The following PLSCR2 variants were observed in gnomAD, a reference collection of about 807,000 sequenced individuals.
PLSCR2 encodes PL scramblase 2.
A neutral mutation model predicts 25.3 loss-of-function variants in PLSCR2; 18 were observed. The observed-to-expected ratio is 0.71, with a 90% CI of 0.49 to 1.06. The LOEUF (loss-of-function observed/expected upper bound fraction) is 1.06, where lower values mean the gene tolerates loss of function less well. PLSCR2 is among the 50% of genes least tolerant of loss of function. The pLI is 0.00. For missense variants in PLSCR2, 243 were observed against 269.5 expected (o/e 0.90, Z 0.69); for synonymous variants, 88 against 87.3 (o/e 1.01, Z -0.04).
At chr3:146,461,804 G>T, upstream of PLSCR2, 1 of 796,696 alleles carries the variant, frequency 1.3e-6, no homozygotes, top group South Asian at 1.4e-5. Flanking sequence ...AAGGAGTTTG[G>T]ATTTTATCCC....
At chr3:146,475,311 T>C (rs1385293159) in intron 1 of PLSCR2, among the ~76,000 whole-genome samples, 1 of 152,096 alleles carries the variant, frequency 6.6e-6, no homozygotes, top group Non-Finnish European at 1.5e-5. Context: ...CTGCTGACCC[T>C]TGCATGGGGT....
At chr3:146,484,944 C>G (rs929375337) in intron 1 of PLSCR2, among the ~76,000 whole-genome samples, 1 of 151,920 alleles carries the variant, frequency 6.6e-6, no homozygotes, top group African/African-American at 2.4e-5. Context: ...ACAATACTAA[C>G]CTTAAACGTA....
intron 2 of PLSCR2, among the ~76,000 whole-genome samples, chr3:146,396,325 T>TC (rs1491095790): frequency 1.3e-5 from 2 of 152,060 alleles, no homozygotes; most frequent in African/African-American, 2.4e-5. Context: ...CATTTTTTTT[T>TC]CTCTCTGTTA....
At chr3:146,436,028 G>A (rs532611103) in intron 8 of PLSCR2, among the ~76,000 whole-genome samples, 26 of 152,214 alleles carry the variant, frequency 1.7e-4, no homozygotes, top group African/African-American at 6.3e-4. Flanking sequence ...ATTTAATAGG[G>A]AATCCTTTCC....
intron 2 of PLSCR2, among the ~76,000 whole-genome samples, chr3:146,409,132 A>G (rs569976193): frequency 1.3e-5 from 2 of 152,204 alleles, no homozygotes; most frequent in East Asian, 1.9e-4. Flanking sequence ...TTCCAATTAT[A>G]CAAGTCAGAA....
intron 2 of PLSCR2, among the ~76,000 whole-genome samples, chr3:146,399,911 G>A (rs1042513669): frequency 6.6e-6 from 1 of 151,562 alleles, no homozygotes; most frequent in Admixed American, 6.6e-5. Context: ...GGTGGTAATG[G>A]TGGTATGGTT....
chr3:146,480,497 A>C (rs2043091547), intron 1 of PLSCR2, among the ~76,000 whole-genome samples: 1 of 152,230 alleles, frequency 6.6e-6, no homozygotes, highest in African/African-American at 2.4e-5. Context: ...GAAGAAATGG[A>C]TAAATTCCTG....
At chr3:146,459,187 A>G (rs1015162825) in intron 2 of PLSCR2, among the ~76,000 whole-genome samples, 3 of 152,302 alleles carry the variant, frequency 2.0e-5, no homozygotes, top group Non-Finnish European at 4.4e-5. Flanking sequence ...CGACATTTGT[A>G]AAATTGGGTC....
At chr3:146,482,000 G>A (rs1006357466) in intron 1 of PLSCR2, among the ~76,000 whole-genome samples, 1 of 152,154 alleles carries the variant, frequency 6.6e-6, no homozygotes, top group Non-Finnish European at 1.5e-5. Context: ...TTAATAAATG[G>A]TGCTTGGAAA....
intron 3 of PLSCR2, among the ~76,000 whole-genome samples, chr3:146,395,101 A>T (rs1179308891): frequency 2.0e-5 from 3 of 152,210 alleles, no homozygotes; most frequent in African/African-American, 7.2e-5. Context: ...TAGCAGTGCA[A>T]AAATGAACTA....
intron 1 of PLSCR2, among the ~76,000 whole-genome samples, chr3:146,487,001 C>T (rs1284267442): frequency 1.3e-5 from 2 of 152,268 alleles, no homozygotes; most frequent in East Asian, 3.9e-4. Flanking sequence ...GGATGCAAGG[C>T]TGGTTCAACA....
chr3:146,417,659 T>C, intron 2 of PLSCR2, among the ~76,000 whole-genome samples: 1 of 152,192 alleles, frequency 6.6e-6, no homozygotes, highest in Non-Finnish European at 1.5e-5. Context: ...TTACAAGTTC[T>C]AATGTTCAAA....
downstream of PLSCR2, among the ~76,000 whole-genome samples, chr3:146,432,051 G>A (rs1322505170): frequency 1.3e-5 from 2 of 151,946 alleles, no homozygotes; most frequent in East Asian, 3.9e-4. Flanking sequence ...TCTCTAAAAT[G>A]TTACTCATTT....
chr3:146,439,405 G>T (rs2040096937), downstream of PLSCR2, among the ~76,000 whole-genome samples: 1 of 152,144 alleles, frequency 6.6e-6, no homozygotes, highest in East Asian at 1.9e-4. Flanking sequence ...GTCACTTTCA[G>T]GTACACCAAT....
intron 1 of PLSCR2, among the ~76,000 whole-genome samples, chr3:146,476,618 G>C (rs1414975580): frequency 6.6e-6 from 1 of 152,230 alleles, no homozygotes; most frequent in African/African-American, 2.4e-5. Flanking sequence ...CTAAGATGCT[G>C]AACTACTGGG....
chr3:146,435,795 T>C (rs1365198148), intron 8 of PLSCR2, among the ~76,000 whole-genome samples: 1 of 152,232 alleles, frequency 6.6e-6, no homozygotes, highest in African/African-American at 2.4e-5. Context: ...CATTTGTCAA[T>C]TTTGGCTTTT....
intron 2 of PLSCR2, among the ~76,000 whole-genome samples, chr3:146,406,911 G>A (rs1216998257): frequency 2.6e-5 from 4 of 152,164 alleles, no homozygotes; most frequent in African/African-American, 4.8e-5. Context: ...GTGGCAGGAT[G>A]ATGTCTTGTA....
At chr3:146,419,389 G>A (rs192723476) in intron 2 of PLSCR2, among the ~76,000 whole-genome samples, 43 of 152,042 alleles carry the variant, frequency 2.8e-4, no homozygotes, top group African/African-American at 1.0e-3. Flanking sequence ...TTTCTATTAT[G>A]CTCCTCAAAG....
At chr3:146,446,414 C>T (rs1467785579) in intron 6 of PLSCR2, among the ~76,000 whole-genome samples, 1 of 152,180 alleles carries the variant, frequency 6.6e-6, no homozygotes. Context: ...CTTGGAGACT[C>T]ATAGTGGTAA....
Sources: allele counts gnomAD v4.1 joint callset (sites outside exome capture counted in the v4.1 genomes callset), GRCh38; gene constraint gnomAD v4.1.1; transcripts MANE v1.5; gene names NCBI Gene and HGNC (gene_info 2026-07-23, HGNC 2026-07-21).